Variants in RAB40A observed in about 807,000 individuals in gnomAD.
The protein encoded by RAB40A is RAB40A, member RAS oncogene family.
For missense variants in RAB40A, 145 were observed against 230.2 expected, an observed-to-expected ratio of 0.63 and a Z score of 2.40; for synonymous variants, 65 against 99.9, an observed-to-expected ratio of 0.65 and a Z score of 2.08.
intron 2 of RAB40A, among the ~76,000 whole-genome samples, chrX:103,503,783 T>C (rs766023412): frequency 9.0e-6 from 1 of 111,470 alleles, no homozygotes; most frequent in Non-Finnish European, 1.9e-5. Flanking sequence ...GAAACTGAGA[T>C]TGGCTCCAGC....
At chrX:103,508,148 C>T (rs1256515643) in intron 2 of RAB40A, among the ~76,000 whole-genome samples, 1 of 111,999 alleles carries the variant, frequency 8.9e-6, no homozygotes, top group Non-Finnish European at 1.9e-5. Flanking sequence ...TAGGTCTACA[C>T]CCAGGTCTCT....
intron 2 of RAB40A, among the ~76,000 whole-genome samples, chrX:103,504,524 T>G (rs2073244883): frequency 9.0e-6 from 1 of 110,825 alleles, no homozygotes; most frequent in South Asian, 3.8e-4. Context: ...TATTTTTATT[T>G]TATTTTATTT....
chrX:103,497,842 C>T (rs2073189534), downstream of RAB40A, among the ~76,000 whole-genome samples: 1 of 112,146 alleles, frequency 8.9e-6, no homozygotes, highest in South Asian at 3.7e-4. Context: ...CCACCAGTAG[C>T]TCTAGGAGAA....
downstream of RAB40A, among the ~76,000 whole-genome samples, chrX:103,497,260 T>C (rs1418532593): frequency 9.0e-6 from 1 of 111,591 alleles, no homozygotes; most frequent in Non-Finnish European, 1.9e-5. Context: ...CCCCCTTACT[T>C]CCTTGTTTCT....
chrX:103,498,121 G>A (rs1373458528), downstream of RAB40A, among the ~76,000 whole-genome samples: 1 of 111,462 alleles, frequency 9.0e-6, no homozygotes, highest in Non-Finnish European at 1.9e-5. Flanking sequence ...TGGTGGGGAT[G>A]TCATTTAGTA....
chrX:103,515,436 A>G (rs556105937), intron 2 of RAB40A, among the ~76,000 whole-genome samples: 14 of 112,372 alleles, frequency 1.2e-4, no homozygotes, highest in African/African-American at 4.5e-4. Context: ...TCAAATTTAA[A>G]TAATCTCTGT....
chrX:103,500,892 G>T lies in RAB40A; in HGVS notation c.-70-66C>A. The T allele has an allele frequency of 6.6e-6, 7 of 1,053,075 alleles. 1 individual carries two copies. In the Middle Eastern group the frequency reaches 1.8e-3, roughly 265 times the overall value. 86.8% of individuals were successfully genotyped at this position (1,053,075 alleles called of 1,213,427 possible). A position where few individuals can be genotyped will look rare whatever the true frequency, so the allele number is the denominator to read the frequency against. ...GGAAGTCTGTGAAATAAAGCGAAAT[G>T]AGGTGGTGGCTTTGATGGATTTCTT... On this transcript the variant is annotated intron_variant, in intron 2 of 2. Transcript: ENST00000304236.
At chrX:103,517,839 A>T (rs1178604649) in intron 1 of RAB40A, among the ~76,000 whole-genome samples, 1 of 111,995 alleles carries the variant, frequency 8.9e-6, no homozygotes, top group Non-Finnish European at 1.9e-5. Context: ...TCTACATCCT[A>T]GATTTCAATG....
intron 2 of RAB40A, among the ~76,000 whole-genome samples, chrX:103,506,382 C>CT (rs1434199602): frequency 9.0e-6 from 1 of 110,777 alleles, no homozygotes; most frequent in Admixed American, 9.7e-5. Context: ...TAAACTTTGT[C>CT]TTTTTTCACA....
At chrX:103,515,495 C>A (rs113619372) in intron 2 of RAB40A, among the ~76,000 whole-genome samples, 7,243 of 111,538 alleles carry the variant, frequency 0.065, 210 homozygotes, top group Non-Finnish European at 0.094. Context: ...AGAGGGGAGA[C>A]CAAATATATA....
Position 103,499,727 on chromosome X carries a change from A to G in RAB40A, c.*196T>C. 2.0e-6 allele frequency: 1 copy of G among 496,428 alleles called. No homozygotes were observed. The highest frequency in any genetic ancestry group is 3.5e-6 in the Non-Finnish European group (1 of 288,013). The allele number at this position is 496,428 out of a possible 1,213,427, so 40.9% of individuals were successfully genotyped here. On this transcript the variant is annotated 3_prime_UTR_variant, in exon 3 of 3. Coordinates refer to ENST00000304236, the MANE Select transcript of RAB40A (RefSeq NM_080879.3). ...CGTTTAAAACAAGAGCTTCATGCAC[A>G]TCCAAATAGAAATTCAAAGTCAAAC...
At chrX:103,508,196 T>C (rs2073266724) in intron 2 of RAB40A, among the ~76,000 whole-genome samples, 1 of 111,897 alleles carries the variant, frequency 8.9e-6, no homozygotes, top group African/African-American at 3.3e-5. Context: ...TCTGTCTTCC[T>C]CATCACCCAG....
chrX:103,501,018 T>C, intron 2 of RAB40A, 192 bp from the exon 3 acceptor site: 1 of 402,067 alleles, frequency 2.5e-6, no homozygotes, highest in Non-Finnish European at 4.3e-6. Flanking sequence ...CCTATACATT[T>C]CCCTTAAAAC....
At chrX:103,506,135 A>C (rs940185632) in intron 2 of RAB40A, among the ~76,000 whole-genome samples, 2 of 111,651 alleles carry the variant, frequency 1.8e-5, no homozygotes, top group African/African-American at 6.5e-5. Flanking sequence ...CAATTAAAAA[A>C]ATTTTTAATA....
chrX:103,506,415 C>T (rs769145138), intron 2 of RAB40A, among the ~76,000 whole-genome samples: 7 of 111,609 alleles, frequency 6.3e-5, no homozygotes, highest in Non-Finnish European at 9.4e-5. Context: ...AACTGACATG[C>T]TTTTAAAAAA....
chrX:103,503,534 G>A (rs1226951317), intron 2 of RAB40A: 8 of 742,663 alleles, frequency 1.1e-5, no homozygotes, highest in African/African-American at 2.4e-5. Context: ...AACAGAACTG[G>A]CATCGTAGTT....
intron 2 of RAB40A, among the ~76,000 whole-genome samples, chrX:103,503,795 C>G (rs143662347): frequency 9.0e-6 from 1 of 111,520 alleles, no homozygotes; most frequent in African/African-American, 3.3e-5. Flanking sequence ...GGCTCCAGCC[C>G]CTGTCTGCAT....
At chrX:103,498,604 A>G (rs1419284660), downstream of RAB40A, among the ~76,000 whole-genome samples, 2 of 112,129 alleles carry the variant, frequency 1.8e-5, no homozygotes, top group East Asian at 2.8e-4. Context: ...AAGCTACAGG[A>G]TGGTGTAGAG....
At chrX:103,509,939 G>T (rs1217036334) in intron 2 of RAB40A, among the ~76,000 whole-genome samples, 3 of 109,750 alleles carry the variant, frequency 2.7e-5, no homozygotes, top group Non-Finnish European at 5.7e-5. Flanking sequence ...CTGAGTAGCT[G>T]GGATTACAGG....
Sources: gnomAD v4.1 joint callset for allele counts (sites outside exome capture counted in the v4.1 genomes callset) on GRCh38, gnomAD v4.1.1 for gene constraint, MANE v1.5 for transcripts, NCBI Gene and HGNC (gene_info 2026-07-23, HGNC 2026-07-21) for gene names.